The following RAPGEF5 variants were observed in gnomAD, a reference collection of about 807,000 sequenced individuals.
RAPGEF5 encodes M-Ras-regulated GEF.
In RAPGEF5, 65 loss-of-function variants were observed where a neutral mutation model predicts 125.2. The observed-to-expected ratio is 0.52, with a 90% CI of 0.43 to 0.64. RAPGEF5 has a LOEUF of 0.64. RAPGEF5 is among the 30% of genes least tolerant of loss of function. The pLI, the probability that RAPGEF5 is intolerant of heterozygous loss-of-function variation, is 0.00. For missense variants in RAPGEF5, 958 were observed against 1,048.1 expected, an observed-to-expected ratio of 0.91 and a Z score of 1.19; for synonymous variants, 391 against 385.9, an observed-to-expected ratio of 1.01 and a Z score of -0.16.
chr7:22,252,507 G>T (rs1191834666), intron 7 of RAPGEF5, among the ~76,000 whole-genome samples: 2 of 152,100 alleles, frequency 1.3e-5, no homozygotes, highest in Non-Finnish European at 2.9e-5. Context: ...ATCTTAATGG[G>T]CATGACCATA....
intron 24 of RAPGEF5, among the ~76,000 whole-genome samples, chr7:22,127,929 A>G (rs547260555): frequency 6.6e-6 from 1 of 152,364 alleles, no homozygotes; most frequent in African/African-American, 2.4e-5. Context: ...TGATTATTGC[A>G]GTAGCTCAAG....
intron 18 of RAPGEF5, among the ~76,000 whole-genome samples, chr7:22,147,239 C>A (rs540133126): frequency 6.6e-6 from 1 of 152,306 alleles, no homozygotes; most frequent in African/African-American, 2.4e-5. Context: ...AGTGAGTTCG[C>A]CCGCTCCTCC....
intron 2 of RAPGEF5, 56 bp from the exon 3 acceptor site, chr7:22,315,532 A>C: frequency 8.5e-7 from 1 of 1,171,418 alleles, no homozygotes; most frequent in Non-Finnish European, 1.1e-6. Flanking sequence ...CAATTTGTGA[A>C]CTACCAATAG....
intron 16 of RAPGEF5, among the ~76,000 whole-genome samples, chr7:22,155,660 G>A (rs1273226678): frequency 6.6e-6 from 1 of 152,168 alleles, no homozygotes; most frequent in African/African-American, 2.4e-5. Context: ...TGACATATTT[G>A]GTTTGGTTGG....
chr7:22,227,794 A>T (rs1239915104), intron 8 of RAPGEF5, among the ~76,000 whole-genome samples: 1 of 152,232 alleles, frequency 6.6e-6, no homozygotes, highest in Non-Finnish European at 1.5e-5. Context: ...GCGAGCCATG[A>T]TCGTGCCACT....
intron 11 of RAPGEF5, among the ~76,000 whole-genome samples, chr7:22,174,973 C>G (rs1278345059): frequency 6.6e-6 from 1 of 152,064 alleles, no homozygotes; most frequent in African/African-American, 2.4e-5. Context: ...CTATGGCCAA[C>G]ATGATTTCTC....
chr7:22,245,011 T>C (rs1786439418), intron 7 of RAPGEF5, among the ~76,000 whole-genome samples: 1 of 152,234 alleles, frequency 6.6e-6, no homozygotes, highest in African/African-American at 2.4e-5. Context: ...CTAATAGCCA[T>C]TCTAACAAGT....
intron 11 of RAPGEF5, among the ~76,000 whole-genome samples, chr7:22,173,341 C>T (rs1219336254): frequency 1.3e-5 from 2 of 152,212 alleles, no homozygotes; most frequent in East Asian, 1.9e-4. Flanking sequence ...ACCTCGAACG[C>T]AGCTTTTTAC....
chr7:22,236,768 T>G (rs1437697460), intron 7 of RAPGEF5, among the ~76,000 whole-genome samples: 1 of 152,190 alleles, frequency 6.6e-6, no homozygotes, highest in Non-Finnish European at 1.5e-5. Context: ...CCCCCTATCC[T>G]GCCTATGCCT....
At chr7:22,136,155 A>C in intron 22 of RAPGEF5, 30 bp from the exon 23 acceptor site, 1 of 1,508,866 alleles carries the variant, frequency 6.6e-7, no homozygotes, top group Non-Finnish European at 9.1e-7. Context: ...ACAAAGAGAA[A>C]GAAAAATCAA....
intron 1 of RAPGEF5, among the ~76,000 whole-genome samples, chr7:22,340,420 G>T (rs919014035): frequency 1.3e-5 from 2 of 152,234 alleles, no homozygotes; most frequent in African/African-American, 4.8e-5. Context: ...GCCGATCAGA[G>T]ACTTCTGAAG....
At chr7:22,311,335 G>A (rs576647117) in intron 3 of RAPGEF5, among the ~76,000 whole-genome samples, 2 of 152,224 alleles carry the variant, frequency 1.3e-5, no homozygotes, top group East Asian at 1.9e-4. Context: ...TTAAAATAAT[G>A]TATCATATAA....
intron 6 of RAPGEF5, among the ~76,000 whole-genome samples, chr7:22,279,371 T>C (rs1782624758): frequency 1.3e-5 from 2 of 152,224 alleles, no homozygotes; most frequent in South Asian, 4.1e-4. Flanking sequence ...GTGCTTTAAT[T>C]TTTCATGATT....
chr7:22,287,068 T>C (rs1782815743), intron 6 of RAPGEF5, among the ~76,000 whole-genome samples: 1 of 152,220 alleles, frequency 6.6e-6, no homozygotes, highest in East Asian at 1.9e-4. Flanking sequence ...AGATAATTCC[T>C]AGAGTGTTTT....
chr7:22,261,813 T>C (rs1443383697), intron 7 of RAPGEF5, among the ~76,000 whole-genome samples: 3 of 150,760 alleles, frequency 2.0e-5, no homozygotes, highest in African/African-American at 7.3e-5. Context: ...AGATGGTCTT[T>C]CCAACAAATG....
chr7:22,291,465 A>G (rs1202692804), intron 5 of RAPGEF5, among the ~76,000 whole-genome samples: 1 of 152,198 alleles, frequency 6.6e-6, no homozygotes, highest in African/African-American at 2.4e-5. Flanking sequence ...CAATGCACCA[A>G]TTGAATCCTG....
At chr7:22,181,739 G>A (rs932331086) in intron 11 of RAPGEF5, among the ~76,000 whole-genome samples, 2 of 152,122 alleles carry the variant, frequency 1.3e-5, no homozygotes, top group African/African-American at 4.8e-5. Context: ...GCAGCCTTAA[G>A]TACAAGGCAA....
chr7:22,335,611 T>C (rs1044422894), intron 1 of RAPGEF5, among the ~76,000 whole-genome samples: 12 of 149,662 alleles, frequency 8.0e-5, no homozygotes, highest in Admixed American at 6.7e-4. Context: ...CAAAGCCGTA[T>C]CAACTCTAGG....
At chr7:22,223,208 T>A (rs1465622480) in intron 8 of RAPGEF5, among the ~76,000 whole-genome samples, 1 of 152,020 alleles carries the variant, frequency 6.6e-6, no homozygotes, top group Non-Finnish European at 1.5e-5. Context: ...AGAAAAGGAA[T>A]CTGAGGAGGA....
Sources: allele counts gnomAD v4.1 joint callset (sites outside exome capture counted in the v4.1 genomes callset), GRCh38; gene constraint gnomAD v4.1.1; transcripts MANE v1.5; gene names NCBI Gene and HGNC (gene_info 2026-07-23, HGNC 2026-07-21).